AUTS2: variants seen among roughly 807,000 people sequenced by gnomAD.
The protein encoded by AUTS2 is autism susceptibility gene 2 protein.
Under a neutral mutation model 112.4 loss-of-function variants are expected in AUTS2, and 17 were observed. The ratio of observed to expected loss-of-function variants is 0.15; its 90% CI spans 0.10 to 0.23. The LOEUF (loss-of-function observed/expected upper bound fraction) is 0.23, where lower values mean the gene tolerates loss of function less well. Among genes scored for constraint, AUTS2 ranks in the 10% least tolerant of loss-of-function variants. AUTS2 has a pLI of 1.00. For synonymous variants in AUTS2, 751 were observed against 702.7 expected, an observed-to-expected ratio of 1.07 and a Z score of -1.09; for missense variants, 1,510 against 1,701.6, an observed-to-expected ratio of 0.89 and a Z score of 1.98.
At chr7:70,568,631 G>C (rs1801806922) in intron 5 of AUTS2, among the ~76,000 whole-genome samples, 1 of 152,198 alleles carries the variant, frequency 6.6e-6, no homozygotes, top group African/African-American at 2.4e-5. Context: ...TCATCTGCAA[G>C]GCCCCAGTGG....
At chr7:69,993,103 T>C (rs1296919407) in intron 2 of AUTS2, among the ~76,000 whole-genome samples, 1 of 152,206 alleles carries the variant, frequency 6.6e-6, no homozygotes, top group African/African-American at 2.4e-5. Context: ...CTCTCAGCAC[T>C]ACTTCCTCTA....
chr7:70,730,605 A>G (rs972033753), intron 6 of AUTS2, among the ~76,000 whole-genome samples: 1 of 152,246 alleles, frequency 6.6e-6, no homozygotes. Context: ...TAATTGCCAA[A>G]TAATATTCCA....
intron 1 of AUTS2, among the ~76,000 whole-genome samples, chr7:69,701,217 G>GT (rs1481296531): frequency 2.6e-5 from 4 of 152,332 alleles, no homozygotes; most frequent in African/African-American, 9.6e-5. Flanking sequence ...CTAGAACATT[G>GT]TAAGTGCTCA....
chr7:69,714,027 A>G lies in AUTS2; in HGVS notation c.309+114065A>G, dbSNP rs144863484. 5.3e-3 allele frequency among the ~76,000 whole-genome samples: 802 copies of G among 151,948 alleles called. 2 individuals are homozygous for G. Among genetic ancestry groups the G allele is most frequent in the Middle Eastern group, 0.01 (3 of 294 alleles). ...CATGTTAAGTTTTACATTTAGGTCT[A>G]TGATTCATTTTGAATTAATTTTTGT... is the stretch of plus-strand genomic sequence containing the variant. On this transcript the variant is annotated intron_variant, in intron 1 of 18. Coordinates refer to ENST00000342771, the MANE Select transcript of AUTS2 (RefSeq NM_015570.4).
intron 1 of AUTS2, among the ~76,000 whole-genome samples, chr7:69,738,962 A>G (rs912509053): frequency 1.3e-5 from 2 of 152,104 alleles, no homozygotes; most frequent in Non-Finnish European, 2.9e-5. Flanking sequence ...TGTGAATGCA[A>G]GATGTTCGGT....
intron 4 of AUTS2, among the ~76,000 whole-genome samples, chr7:70,302,975 A>G (rs1411727215): frequency 6.7e-6 from 1 of 149,712 alleles, no homozygotes; most frequent in Non-Finnish European, 1.5e-5. Context: ...AAAAACCAGC[A>G]TCTAGCCAAG....
chr7:70,382,087 A>G (rs1364598494), intron 4 of AUTS2, among the ~76,000 whole-genome samples: 2 of 151,984 alleles, frequency 1.3e-5, no homozygotes, highest in Non-Finnish European at 2.9e-5. Context: ...TTGCCCTACA[A>G]CTTCCCTTGC....
intron 1 of AUTS2, among the ~76,000 whole-genome samples, chr7:69,704,443 A>G (rs937280536): frequency 3.9e-5 from 6 of 152,006 alleles, no homozygotes; most frequent in Middle Eastern, 3.2e-3. Context: ...ACGCCCGGCT[A>G]ATTTTTTTGT....
At chr7:69,988,581 CT>C (rs56875533) in intron 2 of AUTS2, among the ~76,000 whole-genome samples, 57,214 of 151,466 alleles carry the variant, frequency 0.38, 11,649 homozygotes, top group African/African-American at 0.54. Flanking sequence ...TTATGCATTG[CT>C]TTTTTTTGTG....
chr7:69,606,841 C>G (rs1357742835), intron 1 of AUTS2, among the ~76,000 whole-genome samples: 1 of 152,182 alleles, frequency 6.6e-6, no homozygotes, highest in African/African-American at 2.4e-5. Context: ...GAACCTGTTC[C>G]ATGAATGTAG....
chr7:69,680,514 TAAGTA>T (rs1054530612), intron 1 of AUTS2, among the ~76,000 whole-genome samples: 3 of 152,114 alleles, frequency 2.0e-5, no homozygotes, highest in African/African-American at 7.2e-5. Flanking sequence ...TCAGTAGTGT[TAAGTA>T]TAGTCATTTC....
At chr7:70,353,717 C>A (rs1365992412) in intron 4 of AUTS2, among the ~76,000 whole-genome samples, 11 of 152,196 alleles carry the variant, frequency 7.2e-5, no homozygotes, top group Admixed American at 5.2e-4. Flanking sequence ...TCTGAGCACA[C>A]ACACATGGCC....
intron 4 of AUTS2, among the ~76,000 whole-genome samples, chr7:70,434,980 A>G (rs1201738836): frequency 6.6e-6 from 1 of 152,118 alleles, no homozygotes; most frequent in Non-Finnish European, 1.5e-5. Flanking sequence ...TGAGGATCCC[A>G]AAGACTGGGG....
At chr7:69,755,232 T>G (rs1221453947) in intron 1 of AUTS2, among the ~76,000 whole-genome samples, 1 of 152,178 alleles carries the variant, frequency 6.6e-6, no homozygotes, top group Non-Finnish European at 1.5e-5. Context: ...TCTAGTTCTA[T>G]AGACTAGGGA....
chr7:70,404,530 T>A lies in AUTS2; in HGVS notation c.661-31222T>A, dbSNP rs377507576. Among the ~76,000 whole-genome samples the A allele has an allele frequency of 2.0e-4, 30 of 152,296 alleles. No individual in the cohort carries two copies. In the East Asian group the frequency reaches 4.0e-3, roughly 21 times the overall value. ...TATGATGTACCTTTTCAAATCAGGG[T>A]CTACTTCCAGTTTTTCAGGTTTGTT... On this transcript the variant is annotated intron_variant, in intron 4 of 18. Transcript: ENST00000342771.
intron 1 of AUTS2, among the ~76,000 whole-genome samples, chr7:69,849,899 A>G (rs1017153993): frequency 6.6e-6 from 1 of 152,190 alleles, no homozygotes; most frequent in Non-Finnish European, 1.5e-5. Flanking sequence ...GCTGCTAGGA[A>G]CAATTATTTA....
chr7:69,609,464 T>C (rs1278694067), intron 1 of AUTS2, among the ~76,000 whole-genome samples: 1 of 152,186 alleles, frequency 6.6e-6, no homozygotes, highest in Non-Finnish European at 1.5e-5. Flanking sequence ...CTCCCTTTTA[T>C]AAGGATGTAA....
intron 2 of AUTS2, among the ~76,000 whole-genome samples, chr7:70,098,652 C>G (rs969375702): frequency 1.3e-5 from 2 of 150,838 alleles, no homozygotes; most frequent in Admixed American, 1.3e-4. Flanking sequence ...TAGACCATGT[C>G]TTTTTATTTT....
rs757871512 is a variant in AUTS2, at chr7:70,763,292, C to G, written c.1165C>G (p.Gln389Glu). 1.2e-6 allele frequency: 2 copies of G among 1,603,848 alleles called. No homozygotes were observed. Among genetic ancestry groups the G allele is most frequent in the Non-Finnish European group, 1.7e-6 (2 of 1,174,018 alleles). Residue 389 changes from glutamine to glutamate, a missense_variant, in exon 7 of 19, where the codon CAG (glutamine) becomes GAG (glutamate). Gln to Glu is a conservative substitution (Grantham distance 29). Around this residue, in one of 3 missense-constraint regions of AUTS2, gnomAD observed 535 missense variants for 594.3 expected, o/e 0.90. Transcript: ENST00000342771. ...CCACCCCTCTGCTCAGAGCCTCTCC[C>G]AGCCATTGTCAGCCTACAACAGCAG... is the stretch of plus-strand genomic sequence containing the variant. ...QAHPSAQSLS[Q>E]PLSAYNSSSL...
Sources: gnomAD v4.1 joint callset for allele counts (sites outside exome capture counted in the v4.1 genomes callset) on GRCh38, gnomAD v4.1.1 for gene constraint, gnomAD v4.1.1 regional missense constraint, MANE v1.5 for transcripts, NCBI Gene and HGNC (gene_info 2026-07-23, HGNC 2026-07-21) for gene names.